TMTC2: variants seen among roughly 807,000 people sequenced by gnomAD.
The protein encoded by TMTC2 is protein O-mannosyl-transferase TMTC2.
Under a neutral mutation model 82.4 loss-of-function variants are expected in TMTC2, and 43 were observed. The observed-to-expected ratio is 0.52, with a 90% CI of 0.41 to 0.67. The LOEUF (loss-of-function observed/expected upper bound fraction) is 0.67, where lower values mean the gene tolerates loss of function less well. TMTC2 is among the 30% of genes least tolerant of loss of function. The pLI, the probability that TMTC2 is intolerant of heterozygous loss-of-function variation, is 0.00. For missense variants in TMTC2, 919 were observed against 1,012.4 expected (o/e 0.91, Z 1.25); for synonymous variants, 408 against 381.9 (o/e 1.07, Z -0.80).
chr12:83,048,706 T>C (rs1882231728), intron 9 of TMTC2, among the ~76,000 whole-genome samples: 1 of 152,240 alleles, frequency 6.6e-6, no homozygotes, highest in Non-Finnish European at 1.5e-5. Context: ...TCTCACTCTG[T>C]CGCCCAGGCT....
intron 11 of TMTC2, among the ~76,000 whole-genome samples, chr12:83,067,046 G>A (rs148630322): frequency 6.6e-6 from 1 of 151,938 alleles, no homozygotes; most frequent in African/African-American, 2.4e-5. Flanking sequence ...AAAGAGAAGA[G>A]AATCAATTTC....
chr12:82,885,888 T>C (rs1873073388), intron 2 of TMTC2, among the ~76,000 whole-genome samples: 1 of 152,216 alleles, frequency 6.6e-6, no homozygotes, highest in Non-Finnish European at 1.5e-5. Flanking sequence ...AGGAAGTCAC[T>C]ATGCACAGAC....
chr12:83,022,143 T>C (rs73152237), intron 8 of TMTC2, among the ~76,000 whole-genome samples: 1 of 151,976 alleles, frequency 6.6e-6, no homozygotes, highest in Admixed American at 6.6e-5. Context: ...AATTTCATGC[T>C]CCTTACAGAA....
At chr12:82,811,807 C>CTTTTT (rs1171596880) in intron 1 of TMTC2, among the ~76,000 whole-genome samples, 7 of 91,088 alleles carry the variant, frequency 7.7e-5, no homozygotes, top group Non-Finnish European at 1.3e-4. Context: ...TGCTCTCCTT[C>CTTTTT]TTTTTTTTTT....
chr12:83,120,218 G>T (rs1884905083), intron 11 of TMTC2, among the ~76,000 whole-genome samples: 1 of 151,952 alleles, frequency 6.6e-6, no homozygotes, highest in African/African-American at 2.4e-5. Flanking sequence ...TGTTTTTGCT[G>T]TTTAACTTGT....
chr12:82,976,231 G>T (rs1315591220), intron 7 of TMTC2, among the ~76,000 whole-genome samples: 2 of 151,904 alleles, frequency 1.3e-5, no homozygotes, highest in Non-Finnish European at 2.9e-5. Flanking sequence ...GAGAACTTCA[G>T]GATCCCTAGT....
At chr12:82,915,473 T>G (rs923602577) in intron 3 of TMTC2, among the ~76,000 whole-genome samples, 1 of 152,224 alleles carries the variant, frequency 6.6e-6, no homozygotes, top group Non-Finnish European at 1.5e-5. Flanking sequence ...ACATTTTGTT[T>G]TATGTTTCTG....
intron 8 of TMTC2, among the ~76,000 whole-genome samples, chr12:82,989,947 T>G (rs1879333502): frequency 6.6e-6 from 1 of 152,142 alleles, no homozygotes; most frequent in Non-Finnish European, 1.5e-5. Flanking sequence ...CACAACCATC[T>G]TTAACAGCTT....
intron 1 of TMTC2, among the ~76,000 whole-genome samples, chr12:82,749,227 C>T (rs1400854495): frequency 6.6e-6 from 1 of 152,226 alleles, no homozygotes; most frequent in African/African-American, 2.4e-5. Context: ...TTATAACCTT[C>T]TTTTCCTGCC....
intron 8 of TMTC2, among the ~76,000 whole-genome samples, chr12:82,989,218 A>C (rs1879300799): frequency 6.6e-6 from 1 of 152,078 alleles, no homozygotes; most frequent in Non-Finnish European, 1.5e-5. Context: ...CAAACAAAAA[A>C]TGAGGACATA....
At chr12:82,820,609 A>T (rs1869038121) in intron 1 of TMTC2, among the ~76,000 whole-genome samples, 2 of 152,170 alleles carry the variant, frequency 1.3e-5, no homozygotes, top group Non-Finnish European at 2.9e-5. Context: ...TCCTGACCTC[A>T]GGTGATCTGC....
chr12:83,082,488 G>A (rs916474042), intron 11 of TMTC2, among the ~76,000 whole-genome samples: 4 of 152,248 alleles, frequency 2.6e-5, no homozygotes, highest in Admixed American at 6.5e-5. Context: ...TAAAGTACTC[G>A]TGCAGAGAGT....
chr12:82,752,942 C>T (rs922091018), intron 1 of TMTC2, among the ~76,000 whole-genome samples: 1 of 151,882 alleles, frequency 6.6e-6, no homozygotes, highest in African/African-American at 2.4e-5. Flanking sequence ...TTTATTAGAC[C>T]CCTAGGCTAA....
intron 2 of TMTC2, among the ~76,000 whole-genome samples, chr12:82,875,374 G>GCA (rs1032944879): frequency 0.059 from 8,822 of 150,762 alleles, 918 homozygotes; most frequent in African/African-American, 0.2. Context: ...ATATATGTGT[G>GCA]TATATATATA....
chr12:82,806,421 T>C (rs1879244396), intron 1 of TMTC2, among the ~76,000 whole-genome samples: 1 of 152,164 alleles, frequency 6.6e-6, no homozygotes. Flanking sequence ...TGGCATTGTA[T>C]TTATTTTATC....
At chr12:82,814,504 G>C (rs530887470) in intron 1 of TMTC2, among the ~76,000 whole-genome samples, 2 of 152,252 alleles carry the variant, frequency 1.3e-5, no homozygotes, top group Admixed American at 6.5e-5. Flanking sequence ...TATGTTGTTA[G>C]TTTTTGAGCA....
intron 1 of TMTC2, among the ~76,000 whole-genome samples, chr12:82,819,358 G>T (rs954201417): frequency 6.6e-6 from 1 of 151,874 alleles, no homozygotes; most frequent in Admixed American, 6.6e-5. Context: ...TAACTGTTTA[G>T]ATAACATGGC....
chr12:83,009,729 G>T (rs1284183718), intron 8 of TMTC2, among the ~76,000 whole-genome samples: 2 of 152,098 alleles, frequency 1.3e-5, no homozygotes, highest in Admixed American at 1.3e-4. Context: ...ACTCTAGGTT[G>T]TCTAATATAA....
At chr12:82,950,593 G>A (rs1877294279) in intron 4 of TMTC2, among the ~76,000 whole-genome samples, 1 of 152,148 alleles carries the variant, frequency 6.6e-6, no homozygotes, top group Admixed American at 6.5e-5. Flanking sequence ...TAGTTGTAAA[G>A]CGTCTTATTC....
Sources: gnomAD v4.1 joint callset for allele counts (sites outside exome capture counted in the v4.1 genomes callset) on GRCh38, gnomAD v4.1.1 for gene constraint, MANE v1.5 for transcripts, NCBI Gene and HGNC (gene_info 2026-07-23, HGNC 2026-07-21) for gene names.